Variants in ROCK2 observed in about 807,000 individuals in gnomAD.
ROCK2 encodes the protein rho-associated protein kinase 2.
In ROCK2, 61 loss-of-function variants were observed where a neutral mutation model predicts 195.1. The ratio of observed to expected loss-of-function variants is 0.31; its 90% CI spans 0.25 to 0.39. ROCK2 has a LOEUF of 0.39. ROCK2 is among the 10% of genes least tolerant of loss of function. ROCK2 has a pLI of 1.00. For synonymous variants in ROCK2, 504 were observed against 545.5 expected, an observed-to-expected ratio of 0.92 and a Z score of 1.06; for missense variants, 1,109 against 1,637.4, an observed-to-expected ratio of 0.68 and a Z score of 5.57.
At chr2:11,267,284 A>G (rs1278342065) in intron 3 of ROCK2, among the ~76,000 whole-genome samples, 3 of 152,210 alleles carry the variant, frequency 2.0e-5, no homozygotes, top group African/African-American at 7.2e-5. Context: ...CTCCCATAAG[A>G]TAGGTATAAT....
At chr2:11,288,554 A>C (rs1667268249) in intron 1 of ROCK2, among the ~76,000 whole-genome samples, 2 of 152,214 alleles carry the variant, frequency 1.3e-5, no homozygotes, top group Admixed American at 6.5e-5. Context: ...GATGTTAGGA[A>C]ATGACAGTAG....
intron 4 of ROCK2, among the ~76,000 whole-genome samples, chr2:11,245,449 A>C (rs6716447): frequency 0.4 from 60,353 of 151,922 alleles, 13,527 homozygotes; most frequent in Admixed American, 0.52. Flanking sequence ...ATTTGCTAAA[A>C]CTGTGGTGAA....
Position 11,344,200 on chromosome 2 carries a change from C to CA in ROCK2, c.-65dup. ...CAGGTCCCGCAGCCTCGGGGCCTAG[C>CA]ACCGCCCCCGAACCACCAGCTCCGG... On this transcript the variant is annotated 5_prime_UTR_variant, in exon 1 of 33. Transcript: ENST00000315872. This position sits in a 1 kb window ranked among gnomAD's most constrained non-coding sequence, Gnocchi z 5.4. 1 of 1,353,238 alleles carries CA rather than the reference C, an allele frequency of 7.4e-7. No individual in the cohort carries two copies. Among genetic ancestry groups the CA allele is most frequent in the Non-Finnish European group, 9.5e-7 (1 of 1,056,870 alleles). The allele number at this position is 1,353,238 out of a possible 1,614,324, so 83.8% of individuals were successfully genotyped here.
At chr2:11,216,882 C>A (rs558902572) in intron 12 of ROCK2, among the ~76,000 whole-genome samples, 58 of 152,220 alleles carry the variant, frequency 3.8e-4, no homozygotes, top group African/African-American at 1.2e-3. Context: ...CGCCACCATG[C>A]CCAGCTAATT....
intron 5 of ROCK2, among the ~76,000 whole-genome samples, chr2:11,233,640 G>A (rs1261767483): frequency 6.6e-6 from 1 of 152,108 alleles, no homozygotes; most frequent in Admixed American, 6.6e-5. Context: ...TAGATACTAT[G>A]GAATACTAAG....
rs1669206023 is a variant in ROCK2 at position 11,344,191 on chromosome 2, G to A, written c.-55C>T. On this transcript the variant is annotated 5_prime_UTR_variant, in exon 1 of 33. Transcript: ENST00000315872. This position sits in a 1 kb window ranked among gnomAD's most constrained non-coding sequence, Gnocchi z 5.4. ...CCTCGCGCTCAGGTCCCGCAGCCTC[G>A]GGGCCTAGCACCGCCCCCGAACCAC... 13 of 1,380,762 alleles carry A rather than the reference G, an allele frequency of 9.4e-6. No homozygotes were observed. The highest frequency in any genetic ancestry group is 1.7e-5 in the South Asian group (1 of 60,308). The allele number at this position is 1,380,762 out of a possible 1,614,324, so 85.5% of individuals were successfully genotyped here.
chr2:11,198,888 T>TA, intron 23 of ROCK2, 114 bp from the exon 24 acceptor site: 1 of 691,486 alleles, frequency 1.4e-6, no homozygotes, highest in Non-Finnish European at 2.3e-6. Flanking sequence ...TTTTTCTTTT[T>TA]TTTTTTTTTT....
chr2:11,260,155 G>T (rs868263016), intron 3 of ROCK2, among the ~76,000 whole-genome samples: 6 of 151,396 alleles, frequency 4.0e-5, no homozygotes, highest in African/African-American at 7.4e-5. Context: ...GTGTTAAAAA[G>T]AAGTTGCTTA....
chr2:11,195,705 G>A (rs1663609067), intron 27 of ROCK2, among the ~76,000 whole-genome samples: 1 of 152,074 alleles, frequency 6.6e-6, no homozygotes, highest in Non-Finnish European at 1.5e-5. Flanking sequence ...AGTAGCGATG[G>A]GGTTTCACCA....
intron 29 of ROCK2, 144 bp from the exon 30 acceptor site, chr2:11,194,001 T>G: frequency 7.0e-6 from 3 of 426,894 alleles, no homozygotes; most frequent in African/African-American, 2.2e-5. Flanking sequence ...ATTAATTCTA[T>G]AATTAATTAA....
At chr2:11,202,344 T>G (rs1039718280) in intron 20 of ROCK2, among the ~76,000 whole-genome samples, 1 of 152,126 alleles carries the variant, frequency 6.6e-6, no homozygotes, top group Non-Finnish European at 1.5e-5. Context: ...TGACTTGTAA[T>G]TACATCATTC....
In ROCK2 at chr2:11,207,746, T is replaced by C. The variant is rs1664103532; in HGVS notation, c.2529A>G (p.Lys843=). The C allele has an allele frequency of 2.5e-6, 4 of 1,603,862 alleles. No homozygotes were observed. The highest frequency in any genetic ancestry group is 3.4e-6 in the Non-Finnish European group (4 of 1,174,950). Residue 843 remains lysine, a synonymous_variant, in exon 20 of 33, where the codon AAA becomes AAG. Coordinates refer to ENST00000315872, the MANE Select transcript of ROCK2 (RefSeq NM_004850.5). The stretch of plus-strand genomic sequence containing the variant: ...CTTACTTTCGAAGTTCAGCATTTTG[T>C]TTTTCCAAGTTCATTTTCATTTCCA... ...HLMEMKMNLE[K]QNAELRKERQ...
intron 4 of ROCK2, among the ~76,000 whole-genome samples, chr2:11,237,943 G>C (rs1448407012): frequency 6.6e-6 from 1 of 152,124 alleles, no homozygotes; most frequent in Admixed American, 6.6e-5. Flanking sequence ...GCCAGGAATG[G>C]TGGCGCATGC....
rs202026449 is a variant in ROCK2 at position 11,201,011 on chromosome 2, C to T, written c.2856G>A (p.Glu952=). Residue 952 remains glutamate (E), a synonymous_variant, in exon 23 of 33, where the codon GAG becomes GAA. Coordinates refer to ENST00000315872, the MANE Select transcript of ROCK2 (RefSeq NM_004850.5). The surrounding 1 kb of genome is among the most constrained non-coding windows in gnomAD (Gnocchi z 4.6). ...GTTCCTGTTTGTGTCTAGCCATCAT[C>T]TCTTTGATCTCCAGCTCTTTCATGA... The part of the protein sequence containing the change: ...EKIMKELEIK[E]MMARHKQELT... The T allele has an allele frequency of 6.2e-7, 1 of 1,612,326 alleles. No homozygotes were observed. Among genetic ancestry groups the T allele is most frequent in the Non-Finnish European group, 8.5e-7 (1 of 1,179,588 alleles).
In ROCK2 at chr2:11,197,841, A is replaced by G. The variant is rs1382061542; in HGVS notation, c.3100-136T>C. ...CCTACATACAGGGCTACAAAGAAACACTTTCTATAATATTTAAATAATACA... is the reference window on the plus strand; with the variant it reads ...CCTACATACAGGGCTACAAAGAAACGCTTTCTATAATATTTAAATAATACA... On this transcript the variant is annotated intron_variant, in intron 25 of 32. Coordinates refer to ENST00000315872, the MANE Select transcript of ROCK2 (RefSeq NM_004850.5). The surrounding 1 kb of genome is among the most constrained non-coding windows in gnomAD (Gnocchi z 4.9). 2.2e-6 allele frequency: 1 copy of G among 452,572 alleles called. No homozygotes were observed. Among genetic ancestry groups the G allele is most frequent in the Non-Finnish European group, 3.6e-6 (1 of 275,926 alleles). The allele number at this position is 452,572 out of a possible 1,614,324, so 28.0% of individuals were successfully genotyped here.
chr2:11,309,770 A>C (rs1667976022), intron 1 of ROCK2, among the ~76,000 whole-genome samples: 1 of 152,202 alleles, frequency 6.6e-6, no homozygotes, highest in South Asian at 2.1e-4. Flanking sequence ...ACTTGAGCTC[A>C]GGAGTTTGAG....
chr2:11,316,776 T>C (rs761069422), intron 1 of ROCK2, among the ~76,000 whole-genome samples: 59 of 152,292 alleles, frequency 3.9e-4, no homozygotes, highest in Middle Eastern at 6.8e-3. Context: ...GGTATGTCTG[T>C]CCTCTGACTG....
chr2:11,231,576 C>T (rs1665012242), intron 5 of ROCK2, among the ~76,000 whole-genome samples: 1 of 152,120 alleles, frequency 6.6e-6, no homozygotes, highest in Non-Finnish European at 1.5e-5. Flanking sequence ...CTATAAAATG[C>T]ATGACACGCA....
chr2:11,215,031 C>T lies in ROCK2; in HGVS notation c.1745G>A (p.Arg582Lys). The stretch of plus-strand genomic sequence containing the variant: ...TTTTGAACTTTCTGCCTGGGTTTTC[C>T]TTAACCGGGCTGCAGTATCAGACTC... Reference protein sequence around the residue: ...RTESDTAARLRKTQAESSKQI... With the variant: ...RTESDTAARLKKTQAESSKQI... The change falls in exon 16 of 33, where the codon AGG (arginine) becomes AAG (lysine). Residue 582 changes from arginine to lysine, a missense_variant. By Grantham distance (26) the Arg-to-Lys change is conservative. This residue lies in a region of ROCK2 where 542 missense variants were observed against 672.0 expected (regional missense o/e 0.81). Transcript: ENST00000315872. 1.2e-6 allele frequency: 2 copies of T among 1,614,052 alleles called. No individual in the cohort carries two copies. The highest frequency in any genetic ancestry group is 1.7e-6 in the Non-Finnish European group (2 of 1,179,988).
Sources: gnomAD v4.1 joint callset for allele counts (sites outside exome capture counted in the v4.1 genomes callset) on GRCh38, gnomAD v4.1.1 for gene constraint, gnomAD v4.1.1 regional missense constraint, Gnocchi (gnomAD v3.1) non-coding constraint, MANE v1.5 for transcripts, NCBI Gene and HGNC (gene_info 2026-07-23, HGNC 2026-07-21) for gene names.